Variants in DDX11 observed in about 807,000 individuals in gnomAD.
DDX11 encodes the protein DEAD/H-box helicase 11, also known as ATP-dependent DNA helicase DDX11.
Under a neutral mutation model 125.2 loss-of-function variants are expected in DDX11, and 72 were observed. That is an observed-to-expected ratio of 0.58 (90% CI 0.48 to 0.70). The LOEUF (loss-of-function observed/expected upper bound fraction) is 0.70, where lower values mean the gene tolerates loss of function less well. DDX11 is among the 30% of genes least tolerant of loss of function. DDX11 has a pLI of 0.00. For missense variants in DDX11, 883 were observed against 1,165.0 expected, an observed-to-expected ratio of 0.76 and a Z score of 3.52; for synonymous variants, 347 against 452.6, an observed-to-expected ratio of 0.77 and a Z score of 2.96.
intron 1 of DDX11, among the ~76,000 whole-genome samples, chr12:31,076,002 TGAG>T (rs952653438): frequency 2.4e-4 from 37 of 152,028 alleles, no homozygotes; most frequent in African/African-American, 8.4e-4. Context: ...GCCTGGATAT[TGAG>T]GAGGACTCCT....
intron 5 of DDX11, chr12:31,085,959 C>T (rs1943052568): frequency 4.4e-6 from 2 of 449,994 alleles, no homozygotes; most frequent in Admixed American, 2.4e-5. Context: ...AGGGTAACTG[C>T]AAGACCAGAG....
chr12:31,075,733 T>TCGAA (rs1338413724), intron 1 of DDX11, among the ~76,000 whole-genome samples: 2 of 152,192 alleles, frequency 1.3e-5, no homozygotes, highest in Admixed American at 6.5e-5. Context: ...CTATGAGGTG[T>TCGAA]CGAAGCACCT....
At position 31,104,530 on chromosome 12, in the gene DDX11, G is replaced by A. The variant is rs9750; in HGVS notation, c.*694G>A. 91,583 of 171,198 alleles carry A rather than the reference G, an allele frequency of 0.53. 25,988 individuals are homozygous for A. Among genetic ancestry groups the A allele is most frequent in the East Asian group, 0.82 (5,332 of 6,526 alleles). 10.6% of individuals were successfully genotyped at this position (171,198 alleles called of 1,614,324 possible). A position where few individuals can be genotyped will look rare whatever the true frequency, so the allele number is the denominator to read the frequency against. On this transcript the variant is annotated 3_prime_UTR_variant, in exon 27 of 27. Coordinates refer to ENST00000542838, the MANE Select transcript of DDX11 (RefSeq NM_030653.4). ...AACACCAGCAATTATGCCAAGGGCCGTTAGGCTCTCAACATGACTATAGAG... is the reference window on the plus strand; with the variant it reads ...AACACCAGCAATTATGCCAAGGGCCATTAGGCTCTCAACATGACTATAGAG...
intron 1 of DDX11, among the ~76,000 whole-genome samples, chr12:31,074,807 T>A (rs1940467601): frequency 6.6e-6 from 1 of 152,204 alleles, no homozygotes; most frequent in African/African-American, 2.4e-5. Context: ...TTTAGGGCCA[T>A]ACGGTAGATA....
At chr12:31,098,318 A>G (rs148188705) in intron 18 of DDX11, among the ~76,000 whole-genome samples, 15 of 152,358 alleles carry the variant, frequency 9.8e-5, no homozygotes, top group African/African-American at 2.9e-4. Flanking sequence ...TTTGATGTAT[A>G]TGAATATAAT....
At chr12:31,076,929 C>T (rs952330341) in intron 1 of DDX11, 1 of 153,390 alleles carries the variant, frequency 6.5e-6, no homozygotes, top group African/African-American at 2.4e-5. Context: ...AATGCTAGTT[C>T]TGTGAGTTCT....
chr12:31,097,735 G>A (rs7971579), intron 17 of DDX11, 150 bp from the exon 18 acceptor site: 276,804 of 585,298 alleles, frequency 0.47, 68,369 homozygotes, highest in East Asian at 0.82. Context: ...CTGTGGGCTG[G>A]TTGTCCTAGA....
intron 2 of DDX11, among the ~76,000 whole-genome samples, chr12:31,079,161 A>G (rs564768695): frequency 6.6e-6 from 1 of 152,158 alleles, no homozygotes; most frequent in Non-Finnish European, 1.5e-5. Flanking sequence ...TGTTATGATT[A>G]TGTTTTGAAC....
At chr12:31,091,667 G>T (rs4031292) in intron 9 of DDX11, 52 bp from the exon 10 acceptor site, 1 of 1,532,308 alleles carries the variant, frequency 6.5e-7, no homozygotes, top group East Asian at 2.5e-5. Flanking sequence ...GGCAGGCAAG[G>T]CTCCTGCAGG....
chr12:31,082,462 C>G (rs2140479726), intron 2 of DDX11, among the ~76,000 whole-genome samples: 1 of 152,118 alleles, frequency 6.6e-6, no homozygotes, highest in African/African-American at 2.4e-5. Context: ...AACCCTGGCA[C>G]CTGGCTGTGG....
intron 10 of DDX11, among the ~76,000 whole-genome samples, 160 bp downstream of exon 10, chr12:31,092,031 C>T (rs568735408): frequency 6.6e-6 from 1 of 152,384 alleles, no homozygotes; most frequent in Admixed American, 6.5e-5. Flanking sequence ...CCATGGCTTT[C>T]CAGTGCATCG....
chr12:31,099,616 A>G lies in DDX11; in HGVS notation c.1876-1019A>G, dbSNP rs1946032623. Reference sequence around the variant, plus strand: ...AACCCACTAAGGATGCCTGGTCACTAGGCTCTAAAGTCACGTGGAACCAGG... The same window carrying G: ...AACCCACTAAGGATGCCTGGTCACTGGGCTCTAAAGTCACGTGGAACCAGG... On this transcript the variant is annotated intron_variant, in intron 18 of 26. Coordinates refer to ENST00000542838, the MANE Select transcript of DDX11 (RefSeq NM_030653.4). Among the ~76,000 whole-genome samples the G allele has an allele frequency of 2.0e-5, 3 of 151,002 alleles. No homozygotes were observed. The East Asian group carries it at 5.9e-4, about 30-fold the overall frequency.
At chr12:31,081,751 A>C (rs1481509740) in intron 2 of DDX11, among the ~76,000 whole-genome samples, 1 of 121,640 alleles carries the variant, frequency 8.2e-6, no homozygotes, top group African/African-American at 3.5e-5. Flanking sequence ...TTTGGTTATA[A>C]ATCCTTTTAA....
rs1437530251 is a variant in DDX11, at chr12:31,103,412, C to T, written c.2536+17C>T. The stretch of plus-strand genomic sequence containing the variant: ...AGTCCATAGGTGAGCCTGGCTGCCT[C>T]CAGCTGGGTGGACAGATGGGGGCTG... On this transcript the variant is annotated intron_variant, in intron 25 of 26. Transcript: ENST00000542838. The T allele has an allele frequency of 1.2e-6, 2 of 1,603,320 alleles. No individual in the cohort carries two copies. Among genetic ancestry groups the T allele is most frequent in the Non-Finnish European group, 1.7e-6 (2 of 1,175,350 alleles).
chr12:31,091,653 G>A, intron 9 of DDX11, 66 bp from the exon 10 acceptor site: 1 of 1,531,084 alleles, frequency 6.5e-7, no homozygotes, highest in East Asian at 2.4e-5. Flanking sequence ...GGAGCTCAGT[G>A]TCAGGCAGGC....
intron 1 of DDX11, among the ~76,000 whole-genome samples, chr12:31,075,215 T>G (rs937242357): frequency 1.3e-5 from 2 of 151,524 alleles, no homozygotes; most frequent in Non-Finnish European, 2.9e-5. Flanking sequence ...ATACTCAGAT[T>G]TATCTAAACC....
chr12:31,096,298 C>G (rs756610079), intron 14 of DDX11, 43 bp from the exon 15 acceptor site: 1 of 1,417,116 alleles, frequency 7.1e-7, no homozygotes, highest in East Asian at 2.5e-5. Context: ...TTATAGCTTG[C>G]TCAGTTTGCA....
intron 1 of DDX11, among the ~76,000 whole-genome samples, chr12:31,074,893 G>C (rs1940483106): frequency 6.6e-6 from 1 of 152,260 alleles, no homozygotes; most frequent in Non-Finnish European, 1.5e-5. Context: ...CTTAGACACA[G>C]AAATGTGTTT....
intron 1 of DDX11, among the ~76,000 whole-genome samples, chr12:31,075,663 C>T (rs2553171): frequency 7.2e-5 from 11 of 152,206 alleles, no homozygotes; most frequent in Non-Finnish European, 1.2e-4. Flanking sequence ...GAGAAACCTT[C>T]ACTTACAGCC....
Sources: allele counts gnomAD v4.1 joint callset (sites outside exome capture counted in the v4.1 genomes callset), GRCh38; gene constraint gnomAD v4.1.1; transcripts MANE v1.5; gene names NCBI Gene and HGNC (gene_info 2026-07-23, HGNC 2026-07-21).